SPIN1: variants seen among roughly 807,000 people sequenced by gnomAD.
SPIN1 encodes spindlin-1.
A neutral mutation model predicts 26.0 loss-of-function variants in SPIN1; 3 were observed. The observed-to-expected ratio is 0.12, with a 90% CI of 0.05 to 0.30. SPIN1 has a LOEUF of 0.30. SPIN1 is among the 10% of genes least tolerant of loss of function. The pLI is 1.00. For missense variants in SPIN1, 126 were observed against 333.4 expected (o/e 0.38, Z 4.84); for synonymous variants, 101 against 116.5 (o/e 0.87, Z 0.86).
intron 1 of SPIN1, among the ~76,000 whole-genome samples, chr9:88,392,784 G>A (rs1826959263): frequency 6.6e-6 from 1 of 152,174 alleles, no homozygotes; most frequent in Admixed American, 6.6e-5. Context: ...GGCTCCTGGT[G>A]TACAGTAAAT....
intron 2 of SPIN1, among the ~76,000 whole-genome samples, chr9:88,442,111 C>G (rs536697501): frequency 2.2e-4 from 33 of 151,016 alleles, no homozygotes. Context: ...GCCACCGCAC[C>G]CAGCTGAATT....
At chr9:88,443,744 T>C (rs1484401163) in intron 2 of SPIN1, among the ~76,000 whole-genome samples, 1 of 152,216 alleles carries the variant, frequency 6.6e-6, no homozygotes, top group East Asian at 1.9e-4. Context: ...TGATTGCCCG[T>C]CAATCTTTTC....
chr9:88,468,733 C>T (rs1828719729), intron 5 of SPIN1, 128 bp downstream of exon 5: 1 of 516,302 alleles, frequency 1.9e-6, no homozygotes, highest in Non-Finnish European at 3.1e-6. Context: ...TAGTCATGCA[C>T]AAACACAGCC....
chr9:88,443,832 T>C (rs1273503462), intron 2 of SPIN1, among the ~76,000 whole-genome samples: 1 of 152,174 alleles, frequency 6.6e-6, no homozygotes, highest in African/African-American at 2.4e-5. Context: ...TGGGACAGGA[T>C]GGCTTGATCA....
rs1440890216 is a variant in SPIN1, at chr9:88,398,888, A to AT, written c.-159+10357dup. ...GGCCTTGTTGACTTTTAATTGTAATATTTTTTTCAGGATCACATAAGGTTT... is the reference window on the plus strand; with the variant it reads ...GGCCTTGTTGACTTTTAATTGTAATATTTTTTTTCAGGATCACATAAGGTTT... On this transcript the variant is annotated intron_variant, in intron 1 of 5. Coordinates refer to ENST00000375859, the MANE Select transcript of SPIN1 (RefSeq NM_006717.3). Among the ~76,000 whole-genome samples, 4 of 149,642 alleles carry AT rather than the reference A, an allele frequency of 2.7e-5. 1 individual carries two copies. The highest frequency in any genetic ancestry group is 7.4e-5 in the African/African-American group (3 of 40,472).
intron 5 of SPIN1, among the ~76,000 whole-genome samples, chr9:88,471,654 CAAAAAA>C (rs1166469042): frequency 4.4e-4 from 26 of 59,754 alleles, no homozygotes; most frequent in East Asian, 2.4e-3. Context: ...GACTCTGTCT[CAAAAAA>C]AAAAAAAAAA....
intron 2 of SPIN1, among the ~76,000 whole-genome samples, chr9:88,445,940 T>TA (rs1342639793): frequency 2.0e-5 from 3 of 152,312 alleles, no homozygotes; most frequent in African/African-American, 7.2e-5. Flanking sequence ...AAATGTCAAC[T>TA]AAGTAAGGTT....
At chr9:88,397,486 T>A (rs1473934862) in intron 1 of SPIN1, among the ~76,000 whole-genome samples, 1 of 152,150 alleles carries the variant, frequency 6.6e-6, no homozygotes, top group South Asian at 2.1e-4. Context: ...TTGTTAACAG[T>A]TATTCCTGGT....
At chr9:88,414,831 T>G (rs1457068735) in intron 1 of SPIN1, among the ~76,000 whole-genome samples, 1 of 152,236 alleles carries the variant, frequency 6.6e-6, no homozygotes, top group Non-Finnish European at 1.5e-5. Context: ...CCATGGTCCT[T>G]ATAAATTTTG....
chr9:88,472,338 G>A (rs1328144395), intron 5 of SPIN1, among the ~76,000 whole-genome samples: 1 of 152,122 alleles, frequency 6.6e-6, no homozygotes, highest in South Asian at 2.1e-4. Flanking sequence ...AGGTTCCAGC[G>A]ATTCTCCTGC....
At chr9:88,389,289 T>TG (rs1826866697) in intron 1 of SPIN1, 1 of 152,154 alleles carries the variant, frequency 6.6e-6, no homozygotes, top group Admixed American at 6.5e-5. Flanking sequence ...TGAGTGACCT[T>TG]GGGTGTATTC....
At chr9:88,446,496 TC>T (rs1458580876) in intron 2 of SPIN1, among the ~76,000 whole-genome samples, 1 of 149,402 alleles carries the variant, frequency 6.7e-6, no homozygotes, top group Non-Finnish European at 1.5e-5. Context: ...AACCTCCGCC[TC>T]CTGGGTTCAA....
At chr9:88,471,829 T>C (rs1828794719) in intron 5 of SPIN1, among the ~76,000 whole-genome samples, 2 of 149,426 alleles carry the variant, frequency 1.3e-5, no homozygotes, top group African/African-American at 2.5e-5. Context: ...TGAGTCCTGC[T>C]TTTTTTTTTC....
intron 5 of SPIN1, among the ~76,000 whole-genome samples, chr9:88,468,868 C>G (rs951149600): frequency 6.6e-6 from 1 of 152,086 alleles, no homozygotes; most frequent in Non-Finnish European, 1.5e-5. Context: ...CATATTACTT[C>G]TTGCTTTTAT....
In SPIN1 at chr9:88,410,234, G is replaced by T. The variant is rs148747213; in HGVS notation, c.-158-16148G>T. Among the ~76,000 whole-genome samples, 15 of 149,316 alleles carry T rather than the reference G, an allele frequency of 1.0e-4. No homozygotes were observed. In the South Asian group the frequency reaches 2.9e-3, roughly 29 times the overall value. The stretch of plus-strand genomic sequence containing the variant: ...AGACATTTATTCAGCATCATGATCA[G>T]ACTATTACATTTAGCAATCAACAGC... On this transcript the variant is annotated intron_variant, in intron 1 of 5. Coordinates refer to ENST00000375859, the MANE Select transcript of SPIN1 (RefSeq NM_006717.3).
chr9:88,408,376 CTTTTTTTT>C lies in SPIN1; in HGVS notation c.-158-17994_-158-17987del, dbSNP rs1177261349. 1.5e-3 allele frequency among the ~76,000 whole-genome samples: 178 copies of C among 115,434 alleles called. 3 individuals carry two copies. Among genetic ancestry groups the C allele is most frequent in the Non-Finnish European group, 8.4e-4 (49 of 58,622 alleles). The allele number at this position is 115,434 out of a possible 152,430, so 75.7% of individuals were successfully genotyped here. On this transcript the variant is annotated intron_variant, in intron 1 of 5. Coordinates refer to ENST00000375859, the MANE Select transcript of SPIN1 (RefSeq NM_006717.3). ...TTTTGGTTTTTCTTTTCCTTTTTTT[CTTTTTTTT>C]TTTTTTTTTTTGAGACGGAGTGTTG...
At chr9:88,427,454 G>T (rs1468773813) in intron 2 of SPIN1, among the ~76,000 whole-genome samples, 1 of 151,992 alleles carries the variant, frequency 6.6e-6, no homozygotes, top group Non-Finnish European at 1.5e-5. Flanking sequence ...AGATTAATTT[G>T]GGTTGGTGAT....
chr9:88,389,198 C>G (rs1002464709), intron 1 of SPIN1, among the ~76,000 whole-genome samples: 16 of 152,274 alleles, frequency 1.1e-4, no homozygotes, highest in South Asian at 4.1e-4. Context: ...CCTGATGCGC[C>G]GTCTCTTCGC....
intron 3 of SPIN1, among the ~76,000 whole-genome samples, chr9:88,450,631 T>C (rs572164976): frequency 1.9e-4 from 29 of 152,298 alleles, no homozygotes; most frequent in Middle Eastern, 6.8e-3. Flanking sequence ...AAATCTCTCA[T>C]CCTATATGTT....
Sources: gnomAD v4.1 joint callset for allele counts (sites outside exome capture counted in the v4.1 genomes callset) on GRCh38, gnomAD v4.1.1 for gene constraint, MANE v1.5 for transcripts, NCBI Gene and HGNC (gene_info 2026-07-23, HGNC 2026-07-21) for gene names.